Variants in USP31 observed in about 807,000 individuals in gnomAD.
USP31 encodes ubiquitin specific peptidase 31, also known as ubiquitin carboxyl-terminal hydrolase 31.
A neutral mutation model predicts 119.4 loss-of-function variants in USP31; 44 were observed. That is an observed-to-expected ratio of 0.37 (90% CI 0.29 to 0.47). The LOEUF (loss-of-function observed/expected upper bound fraction) is 0.47, where lower values mean the gene tolerates loss of function less well. Ranked by LOEUF, USP31 falls within the 20% of genes least tolerant of loss-of-function variation. USP31 has a pLI of 0.99. For synonymous variants in USP31, 749 were observed against 705.6 expected, an observed-to-expected ratio of 1.06 and a Z score of -0.97; for missense variants, 1,643 against 1,730.2, an observed-to-expected ratio of 0.95 and a Z score of 0.89.
At chr16:23,107,432 TA>T in intron 2 of USP31, among the ~76,000 whole-genome samples, 1 of 152,198 alleles carries the variant, frequency 6.6e-6, no homozygotes, top group Non-Finnish European at 1.5e-5. Context: ...CAGAATAATT[TA>T]AAACTTACCA....
At position 23,062,996 on chromosome 16, in the gene USP31, A is replaced by C. The variant is rs769935466; in HGVS notation, c.*5050T>G. The C allele has an allele frequency of 2.6e-5, 4 of 152,580 alleles. No homozygotes were observed. The highest frequency in any genetic ancestry group is 4.8e-5 in the African/African-American group (2 of 41,454). 9.5% of individuals were successfully genotyped at this position (152,580 alleles called of 1,614,324 possible). On this transcript the variant is annotated 3_prime_UTR_variant, in exon 16 of 16. Coordinates refer to ENST00000219689, the MANE Select transcript of USP31 (RefSeq NM_020718.4). ...CTGTCTGCAAATTAGAAACACCCAG[A>C]AGCTTTTAAAATACATGGTAATTCC...
chr16:23,117,751 C>CTTTTTTTT (rs67615111), intron 1 of USP31, among the ~76,000 whole-genome samples: 5,036 of 141,012 alleles, frequency 0.036, 98 homozygotes, highest in African/African-American at 0.065. Flanking sequence ...TTTTCCTTTT[C>CTTTTTTTT]TTTTTTTTTT....
chr16:23,080,182 A>G lies in USP31; in HGVS notation c.1951-11T>C. The G allele has an allele frequency of 1.3e-6, 2 of 1,527,584 alleles. No homozygotes were observed. The highest frequency in any genetic ancestry group is 1.8e-6 in the Non-Finnish European group (2 of 1,140,940). 94.6% of individuals were successfully genotyped at this position (1,527,584 alleles called of 1,614,324 possible). A position where few individuals can be genotyped will look rare whatever the true frequency, so the allele number is the denominator to read the frequency against. ...GCGCCTGTCTCCTTCCTGTTGCAAG[A>G]AGAAAAACAAGTTCTGGTGATATTT... On this transcript the variant is annotated splice_polypyrimidine_tract_variant and intron_variant, in intron 12 of 15. Transcript: ENST00000219689.
At chr16:23,121,072 C>T (rs6497650) in intron 1 of USP31, among the ~76,000 whole-genome samples, 42,622 of 152,098 alleles carry the variant, frequency 0.28, 6,315 homozygotes, top group Admixed American at 0.35. Context: ...CATTGACTCA[C>T]TATTCTGCTA....
chr16:23,061,631 T>C lies in USP31; in HGVS notation c.*6415A>G, dbSNP rs1025286856. 1.3e-5 allele frequency: 2 copies of C among 152,624 alleles called. No individual in the cohort carries two copies. Among genetic ancestry groups the C allele is most frequent in the African/African-American group, 4.8e-5 (2 of 41,440 alleles). 9.5% of individuals were successfully genotyped at this position (152,624 alleles called of 1,614,324 possible). Reference sequence around the variant, plus strand: ...TCTCATGCACTTGTTCTAAAATAAATTTAAAATGTACGATACACTTTTCTT... The same window carrying C: ...TCTCATGCACTTGTTCTAAAATAAACTTAAAATGTACGATACACTTTTCTT... On this transcript the variant is annotated 3_prime_UTR_variant, in exon 16 of 16. Coordinates refer to ENST00000219689, the MANE Select transcript of USP31 (RefSeq NM_020718.4).
rs1242632906 is a variant in USP31 at position 23,063,101 on chromosome 16, G to A, written c.*4945C>T. 1 of 152,182 alleles carries A rather than the reference G, an allele frequency of 6.6e-6. No homozygotes were observed. Among genetic ancestry groups the A allele is most frequent in the Non-Finnish European group, 1.5e-5 (1 of 68,036 alleles). The allele number at this position is 152,182 out of a possible 1,614,324, so 9.4% of individuals were successfully genotyped here. ...CTGTATTTTTTAAAGTTCCCCAGCT[G>A]ATTCTAGTTAATGTGGGTCTTCACT... On this transcript the variant is annotated 3_prime_UTR_variant, in exon 16 of 16. Transcript: ENST00000219689.
At chr16:23,105,290 T>C in intron 5 of USP31, 151 bp downstream of exon 5, 1 of 916,054 alleles carries the variant, frequency 1.1e-6, no homozygotes, top group Non-Finnish European at 1.5e-6. Context: ...TTTTAGTCTT[T>C]GGGGCCTTGA....
At chr16:23,124,938 C>G (rs1356544584) in intron 1 of USP31, among the ~76,000 whole-genome samples, 2 of 152,108 alleles carry the variant, frequency 1.3e-5, no homozygotes, top group Non-Finnish European at 2.9e-5. Context: ...GCATCAAAGG[C>G]AAGCTATAAA....
intron 1 of USP31, among the ~76,000 whole-genome samples, chr16:23,146,458 G>A (rs1418209109): frequency 2.0e-5 from 3 of 151,978 alleles, no homozygotes; most frequent in Admixed American, 6.6e-5. Flanking sequence ...AACACAGGAG[G>A]CAGAGGTTGC....
rs145213440 is a variant in USP31, at chr16:23,069,578, G to T, written c.2527C>A (p.Arg843Ser). The change falls in exon 16 of 16, where the codon CGT (arginine) becomes AGT (serine). Residue 843 changes from arginine to serine, a missense_variant. By Grantham distance (110) the Arg-to-Ser change is moderately radical. This residue lies in a region of USP31 where 699 missense variants were observed against 650.9 expected (regional missense o/e 1.07). Transcript: ENST00000219689. ...STRPFVRSVQ[R>S]QSLSSRSSVT... ...GAAGATCTGGATGACAAACTCTGAC[G>T]CTGGACACTTCTCACAAATGGTCGA... 1.2e-6 allele frequency: 2 copies of T among 1,612,192 alleles called. No homozygotes were observed. Among genetic ancestry groups the T allele is most frequent in the Non-Finnish European group, 1.7e-6 (2 of 1,178,514 alleles).
chr16:23,100,578 G>C (rs1425624008), intron 6 of USP31, among the ~76,000 whole-genome samples: 1 of 151,924 alleles, frequency 6.6e-6, no homozygotes, highest in African/African-American at 2.4e-5. Flanking sequence ...TTCGAGACCA[G>C]CCTGGCCAAC....
At chr16:23,093,877 G>T (rs529531623) in intron 6 of USP31, among the ~76,000 whole-genome samples, 45 of 152,320 alleles carry the variant, frequency 3.0e-4, no homozygotes, top group Non-Finnish European at 5.6e-4. Context: ...AAGTGGATCC[G>T]TTCCAAGATG....
chr16:23,133,685 A>G (rs1158910115), intron 1 of USP31, among the ~76,000 whole-genome samples: 1 of 152,124 alleles, frequency 6.6e-6, no homozygotes, highest in Non-Finnish European at 1.5e-5. Context: ...TTTTTAGTTG[A>G]TATTTTGTGG....
At chr16:23,145,637 C>T (rs1903482438) in intron 1 of USP31, among the ~76,000 whole-genome samples, 1 of 152,146 alleles carries the variant, frequency 6.6e-6, no homozygotes, top group Admixed American at 6.5e-5. Flanking sequence ...CACTGGACAA[C>T]CATGAGGTGA....
chr16:23,108,768 A>C (rs1487072953), intron 1 of USP31, among the ~76,000 whole-genome samples: 1 of 152,120 alleles, frequency 6.6e-6, no homozygotes, highest in South Asian at 2.1e-4. Context: ...TTTCCTTCTC[A>C]CTTTTCATAT....
chr16:23,106,846 C>A (rs968148374), intron 2 of USP31, among the ~76,000 whole-genome samples: 1 of 152,200 alleles, frequency 6.6e-6, no homozygotes, highest in Non-Finnish European at 1.5e-5. Context: ...GGCACAGGGG[C>A]TCATGCCTGT....
intron 7 of USP31, among the ~76,000 whole-genome samples, chr16:23,088,551 C>A (rs1376417075): frequency 9.9e-5 from 15 of 152,178 alleles, no homozygotes; most frequent in Admixed American, 9.8e-4. Flanking sequence ...TCAGTCAAAC[C>A]TGAATTCCCT....
intron 1 of USP31, among the ~76,000 whole-genome samples, chr16:23,132,001 C>T (rs1452660865): frequency 6.6e-6 from 1 of 152,190 alleles, no homozygotes; most frequent in Non-Finnish European, 1.5e-5. Flanking sequence ...TGTGGACACA[C>T]TGTTTGCTAC....
chr16:23,096,744 CT>C (rs1901630519), intron 6 of USP31, among the ~76,000 whole-genome samples: 1 of 152,288 alleles, frequency 6.6e-6, no homozygotes, highest in East Asian at 1.9e-4. Context: ...TGAATGACTA[CT>C]GGGTAAATAA....
Sources: gnomAD v4.1 joint callset for allele counts (sites outside exome capture counted in the v4.1 genomes callset) on GRCh38, gnomAD v4.1.1 for gene constraint, gnomAD v4.1.1 regional missense constraint, MANE v1.5 for transcripts, NCBI Gene and HGNC (gene_info 2026-07-23, HGNC 2026-07-21) for gene names.